MYO5B: variants seen among roughly 807,000 people sequenced by gnomAD.
MYO5B encodes unconventional myosin-Vb.
MYO5B carries 143 observed loss-of-function variants against 229.3 expected under a neutral mutation model. The ratio of observed to expected loss-of-function variants is 0.62; its 90% CI spans 0.54 to 0.72. The LOEUF is 0.72. MYO5B is among the 30% of genes least tolerant of loss of function. MYO5B has a pLI of 0.00. For synonymous variants in MYO5B, 918 were observed against 885.2 expected, an observed-to-expected ratio of 1.04 and a Z score of -0.66; for missense variants, 2,321 against 2,331.0, an observed-to-expected ratio of 1.00 and a Z score of 0.09.
intron 5 of MYO5B, among the ~76,000 whole-genome samples, chr18:49,992,709 G>A (rs1396367997): frequency 6.6e-6 from 1 of 152,186 alleles, no homozygotes; most frequent in Non-Finnish European, 1.5e-5. Flanking sequence ...GCATCCCACT[G>A]TCCCTCTTCT....
rs530307758 is a variant in MYO5B, at chr18:49,954,676, T to A, written c.1546-241A>T. 5.9e-4 allele frequency among the ~76,000 whole-genome samples: 90 copies of A among 152,304 alleles called. No individual in the cohort carries two copies. In the East Asian group the frequency reaches 0.013, roughly 21 times the overall value. ...GACCTGTGGGAGCAGCTGAGCCTGC[T>A]GGTTGGCAGACACTGGAAGTGCTAG... is the stretch of plus-strand genomic sequence containing the variant. On this transcript the variant is annotated intron_variant, in intron 12 of 39. Coordinates refer to ENST00000285039, the MANE Select transcript of MYO5B (RefSeq NM_001080467.3).
intron 1 of MYO5B, among the ~76,000 whole-genome samples, chr18:50,161,229 C>G (rs2032759883): frequency 6.6e-6 from 1 of 152,136 alleles, no homozygotes; most frequent in South Asian, 2.1e-4. Context: ...GCTAAAAATA[C>G]CAAAATTAGC....
intron 35 of MYO5B, chr18:49,840,547 T>A (rs2024043684): frequency 6.6e-6 from 1 of 152,238 alleles, no homozygotes; most frequent in Non-Finnish European, 1.5e-5. Flanking sequence ...TGGTTTACAC[T>A]ATGTCTTGAC....
At chr18:50,094,897 A>C (rs116891814) in intron 1 of MYO5B, among the ~76,000 whole-genome samples, 1,984 of 152,220 alleles carry the variant, frequency 0.013, 21 homozygotes, top group Non-Finnish European at 0.022. Context: ...ATGTGATCTT[A>C]GCTCACTGCA....
Position 49,825,450 on chromosome 18 carries a change from T to C in MYO5B, c.*1021A>G, listed in dbSNP as rs1016019981. 3 of 152,068 alleles carry C rather than the reference T, an allele frequency of 2.0e-5. No homozygotes were observed. The highest frequency in any genetic ancestry group is 7.2e-5 in the African/African-American group (3 of 41,432). 9.4% of individuals were successfully genotyped at this position (152,068 alleles called of 1,614,324 possible). A position where few individuals can be genotyped will look rare whatever the true frequency, so the allele number is the denominator to read the frequency against. ...AACCCAAACTTTTGTATAATATCCCTGAACTGATTATTTTTGAAGGTTTTT... is the reference window on the plus strand; with the variant it reads ...AACCCAAACTTTTGTATAATATCCCCGAACTGATTATTTTTGAAGGTTTTT... On this transcript the variant is annotated 3_prime_UTR_variant, in exon 40 of 40. Coordinates refer to ENST00000285039, the MANE Select transcript of MYO5B (RefSeq NM_001080467.3).
chr18:49,941,925 C>T (rs896587679), intron 14 of MYO5B, among the ~76,000 whole-genome samples: 4 of 129,568 alleles, frequency 3.1e-5, no homozygotes, highest in Non-Finnish European at 5.0e-5. Context: ...TGACTTCAAA[C>T]TATACTATAA....
chr18:50,001,508 C>T, intron 4 of MYO5B, 97 bp from the exon 5 acceptor site: 1 of 1,412,092 alleles, frequency 7.1e-7, no homozygotes, highest in Non-Finnish European at 1.0e-6. Context: ...TCACTGGGAG[C>T]ATCTCTCCTA....
intron 1 of MYO5B, among the ~76,000 whole-genome samples, chr18:50,072,392 C>T (rs1230927607): frequency 6.6e-6 from 1 of 152,106 alleles, no homozygotes; most frequent in African/African-American, 2.4e-5. Context: ...GGGAGAGAGA[C>T]AAGAGTGAGT....
At chr18:49,866,065 A>G (rs191216983) in intron 27 of MYO5B, among the ~76,000 whole-genome samples, 88 of 152,276 alleles carry the variant, frequency 5.8e-4, no homozygotes, top group Non-Finnish European at 9.9e-4. Flanking sequence ...AAAATTAGCC[A>G]TCTAACCTAT....
intron 1 of MYO5B, among the ~76,000 whole-genome samples, chr18:50,079,450 C>A (rs550812061): frequency 6.6e-6 from 1 of 152,098 alleles, no homozygotes; most frequent in Admixed American, 6.5e-5. Context: ...GGACCAACCA[C>A]TGCCTCCCTC....
At chr18:49,849,732 G>A in intron 31 of MYO5B, 72 bp from the exon 32 acceptor site, 1 of 1,239,910 alleles carries the variant, frequency 8.1e-7, no homozygotes, top group Non-Finnish European at 1.2e-6. Context: ...AATCCTGCTT[G>A]CAGTTGGAGG....
chr18:50,120,915 C>G (rs944009679), intron 1 of MYO5B, among the ~76,000 whole-genome samples: 1 of 152,180 alleles, frequency 6.6e-6, no homozygotes. Context: ...TCAGGAGCTT[C>G]TAAGGCCAAA....
chr18:50,087,685 A>T (rs76375389), intron 1 of MYO5B, among the ~76,000 whole-genome samples: 1,551 of 152,274 alleles, frequency 0.01, 21 homozygotes, highest in African/African-American at 0.035. Flanking sequence ...ACCTCTAAAT[A>T]AACATGCAGA....
chr18:49,854,221 T>A (rs1234379399), intron 30 of MYO5B, among the ~76,000 whole-genome samples: 1 of 152,248 alleles, frequency 6.6e-6, no homozygotes, highest in Non-Finnish European at 1.5e-5. Context: ...AATTTTTACA[T>A]ACAAGTTTCC....
chr18:50,168,056 C>T (rs996007614), intron 1 of MYO5B, among the ~76,000 whole-genome samples: 2 of 152,146 alleles, frequency 1.3e-5, no homozygotes, highest in Non-Finnish European at 2.9e-5. Context: ...TATGAAGTAC[C>T]ACATGGGGCC....
chr18:49,982,261 G>T (rs1256024384), intron 8 of MYO5B, among the ~76,000 whole-genome samples: 1 of 151,992 alleles, frequency 6.6e-6, no homozygotes, highest in Non-Finnish European at 1.5e-5. Context: ...TAGAGACAGG[G>T]TCTCCCGTGT....
intron 29 of MYO5B, among the ~76,000 whole-genome samples, chr18:49,857,972 T>C (rs1379621682): frequency 6.6e-6 from 1 of 152,200 alleles, no homozygotes; most frequent in African/African-American, 2.4e-5. Context: ...GCAGGAATAA[T>C]GGAGCAAGAA....
At chr18:49,862,049 G>A (rs2024336980) in intron 29 of MYO5B, among the ~76,000 whole-genome samples, 2 of 148,726 alleles carry the variant, frequency 1.3e-5, no homozygotes, top group Non-Finnish European at 3.0e-5. Flanking sequence ...CCAGGGTGGA[G>A]TGCAATGGCA....
chr18:49,947,689 T>A (rs1321035045), intron 14 of MYO5B, among the ~76,000 whole-genome samples: 1 of 152,114 alleles, frequency 6.6e-6, no homozygotes, highest in Non-Finnish European at 1.5e-5. Context: ...TCACAATTTG[T>A]CCCCTTCGAA....
Sources: allele counts gnomAD v4.1 joint callset (sites outside exome capture counted in the v4.1 genomes callset), GRCh38; gene constraint gnomAD v4.1.1; transcripts MANE v1.5; gene names NCBI Gene and HGNC (gene_info 2026-07-23, HGNC 2026-07-21).